The following KAT7 variants were observed in gnomAD, a reference collection of about 807,000 sequenced individuals.
The protein encoded by KAT7 is histone acetyltransferase KAT7.
Under a neutral mutation model 82.1 loss-of-function variants are expected in KAT7, and 10 were observed. That is an observed-to-expected ratio of 0.12 (90% CI 0.08 to 0.21). The LOEUF is 0.21. Among genes scored for constraint, KAT7 ranks in the 10% least tolerant of loss-of-function variants. The probability of loss-of-function intolerance (pLI) is 1.00; values close to 1 mark genes in which losing one functional copy is unlikely to be tolerated. For synonymous variants in KAT7, 250 were observed against 262.5 expected (o/e 0.95, Z 0.46); for missense variants, 378 against 760.9 (o/e 0.50, Z 5.92).
intron 9 of KAT7, among the ~76,000 whole-genome samples, chr17:49,818,524 C>T (rs2074261227): frequency 6.6e-6 from 1 of 152,138 alleles, no homozygotes; most frequent in African/African-American, 2.4e-5. Flanking sequence ...TTGGTGCCTT[C>T]CCCTCTTTTT....
At chr17:49,814,944 A>G (rs970364214) in intron 7 of KAT7, 2 of 152,200 alleles carry the variant, frequency 1.3e-5, no homozygotes, top group African/African-American at 4.8e-5. Flanking sequence ...CTTAACTACC[A>G]TTATCTCCTA....
At chr17:49,810,710 T>C (rs1467122729) in intron 6 of KAT7, among the ~76,000 whole-genome samples, 3 of 152,184 alleles carry the variant, frequency 2.0e-5, no homozygotes, top group Non-Finnish European at 4.4e-5. Context: ...TTCTTGTTGC[T>C]TTGGTGGAGA....
intron 1 of KAT7, 130 bp downstream of exon 1, chr17:49,788,979 C>T (rs1772345263): frequency 3.6e-6 from 3 of 833,306 alleles, no homozygotes; most frequent in Non-Finnish European, 5.4e-6. Context: ...CAGCTACCCT[C>T]TCTTCTGTCC....
intron 7 of KAT7, among the ~76,000 whole-genome samples, chr17:49,812,163 C>T (rs2074174153): frequency 6.6e-6 from 1 of 150,644 alleles, no homozygotes; most frequent in Non-Finnish European, 1.5e-5. Context: ...AGCTTTTTCA[C>T]AATCTCTTAT....
chr17:49,789,236 A>C, intron 1 of KAT7: 1 of 176,522 alleles, frequency 5.7e-6, no homozygotes, highest in Non-Finnish European at 1.2e-5. Flanking sequence ...TCCTCTCCTG[A>C]TTGGTCGAGG....
intron 2 of KAT7, chr17:49,795,412 G>C (rs1260151907): frequency 8.0e-6 from 2 of 250,720 alleles, no homozygotes; most frequent in East Asian, 1.9e-4. Flanking sequence ...CTGGACATCG[G>C]GCAGCATCTA....
chr17:49,791,996 C>T lies in KAT7; in HGVS notation c.126C>T (p.Val42=), dbSNP rs781259225. 1.9e-6 allele frequency: 3 copies of T among 1,613,998 alleles called. No homozygotes were observed. In the African/African-American group the frequency reaches 4.0e-5, roughly 22 times the overall value. ...SDGTSRRSAR[V]TRSSARLSQS... is the part of the protein sequence containing the mutation. ...GCACATCCCGACGATCTGCTCGAGT[C>T]ACCCGCTCCTCAGCCAGGCTAAGCC... is the stretch of plus-strand genomic sequence containing the variant. Residue 42 remains valine (V), a synonymous_variant, in exon 2 of 15, where the codon GTC becomes GTT. Transcript: ENST00000259021.
chr17:49,806,631 C>T (rs1443871273), intron 5 of KAT7, among the ~76,000 whole-genome samples: 1 of 152,192 alleles, frequency 6.6e-6, no homozygotes, highest in Non-Finnish European at 1.5e-5. Context: ...CCACTTGTCT[C>T]TAAATACAAT....
intron 2 of KAT7, among the ~76,000 whole-genome samples, chr17:49,796,154 G>T (rs1441888526): frequency 3.3e-5 from 5 of 152,082 alleles, no homozygotes; most frequent in Non-Finnish European, 7.4e-5. Flanking sequence ...CTGCATTCCT[G>T]CTTTACCTTT....
chr17:49,829,817 C>T lies in KAT7; in HGVS notation c.*2315C>T, dbSNP rs936772484. On this transcript the variant is annotated 3_prime_UTR_variant, in exon 15 of 15. Coordinates refer to ENST00000259021, the MANE Select transcript of KAT7 (RefSeq NM_007067.5). ...AAGGATTTATTATCTCATTTAAACCCCCACAGGTGTGGAAACAGAGTTTCA... is the reference window on the plus strand; with the variant it reads ...AAGGATTTATTATCTCATTTAAACCTCCACAGGTGTGGAAACAGAGTTTCA... 7.9e-5 allele frequency: 12 copies of T among 152,168 alleles called. No individual in the cohort carries two copies. The allele number at this position is 152,168 out of a possible 1,614,324, so 9.4% of individuals were successfully genotyped here.
intron 5 of KAT7, 25 bp downstream of exon 5, chr17:49,805,470 C>T: frequency 6.5e-7 from 1 of 1,541,974 alleles, no homozygotes; most frequent in Non-Finnish European, 9.0e-7. Flanking sequence ...ATTTATTCAA[C>T]ACATGCTTAT....
chr17:49,791,114 C>T (rs559372006), intron 1 of KAT7, among the ~76,000 whole-genome samples: 2 of 152,308 alleles, frequency 1.3e-5, no homozygotes, highest in Non-Finnish European at 2.9e-5. Flanking sequence ...GGATAGATGG[C>T]ATACGCACTA....
At chr17:49,788,882 C>G (rs201313107) in intron 1 of KAT7, 33 bp downstream of exon 1, 6 of 1,564,066 alleles carry the variant, frequency 3.8e-6, no homozygotes, top group African/African-American at 2.8e-5. Context: ...TGGCGGGTTT[C>G]TAAGGACAGT....
chr17:49,824,725 A>G (rs898308211), intron 12 of KAT7: 10 of 152,154 alleles, frequency 6.6e-5, no homozygotes, highest in African/African-American at 9.7e-5. Flanking sequence ...GAGGGGAACT[A>G]TATATCTTTG....
At chr17:49,826,863 A>G in intron 14 of KAT7, 64 bp downstream of exon 14, 2 of 1,071,086 alleles carry the variant, frequency 1.9e-6, no homozygotes, top group African/African-American at 3.1e-5. Context: ...AGAGCAAAGT[A>G]TGGGCCTTAA....
intron 1 of KAT7, 126 bp from the exon 2 acceptor site, chr17:49,791,760 T>C: frequency 1.1e-6 from 1 of 883,648 alleles, no homozygotes; most frequent in South Asian, 1.6e-5. Flanking sequence ...TGAGAAATGC[T>C]TGTGGAATCC....
intron 13 of KAT7, 81 bp from the exon 14 acceptor site, chr17:49,826,612 A>T: frequency 1.2e-6 from 1 of 858,210 alleles, no homozygotes; most frequent in Non-Finnish European, 2.0e-6. Flanking sequence ...GATTTCCTTT[A>T]AGGGAAAGTA....
chr17:49,822,029 A>G lies in KAT7; in HGVS notation c.1386+239A>G, dbSNP rs191815570. 8.0e-4 allele frequency among the ~76,000 whole-genome samples: 121 copies of G among 152,152 alleles called. 1 individual carries two copies. Among genetic ancestry groups the G allele is most frequent in the South Asian group, 8.3e-4 (4 of 4,816 alleles). ...CTAGAATTGTGGACTGGAGCTGCCT[A>G]TTAATAACTGGCCAGAGCCCTCCCT... On this transcript the variant is annotated intron_variant, in intron 11 of 14. Coordinates refer to ENST00000259021, the MANE Select transcript of KAT7 (RefSeq NM_007067.5).
chr17:49,788,956 C>A (rs908057939), intron 1 of KAT7, 107 bp downstream of exon 1: 1 of 1,083,692 alleles, frequency 9.2e-7, no homozygotes, highest in Non-Finnish European at 1.3e-6. Flanking sequence ...TTTCCGCTCC[C>A]CCGAACCTTG....
Sources: gnomAD v4.1 joint callset for allele counts (sites outside exome capture counted in the v4.1 genomes callset) on GRCh38, gnomAD v4.1.1 for gene constraint, MANE v1.5 for transcripts, NCBI Gene and HGNC (gene_info 2026-07-23, HGNC 2026-07-21) for gene names.